CHODL: variants seen among roughly 807,000 people sequenced by gnomAD.
The protein encoded by CHODL is transmembrane protein MT75.
Under a neutral mutation model 34.5 loss-of-function variants are expected in CHODL, and 29 were observed. The ratio of observed to expected loss-of-function variants is 0.84; its 90% CI spans 0.63 to 1.15. The LOEUF (loss-of-function observed/expected upper bound fraction) is 1.15. Ranked by LOEUF, CHODL falls within the 50% of genes most tolerant of loss-of-function variation. The pLI is 0.00. For synonymous variants in CHODL, 125 were observed against 116.1 expected (o/e 1.08, Z -0.49); for missense variants, 332 against 332.5 (o/e 1.00, Z 0.01).
rs138576111 is a variant in CHODL at position 17,928,001 on chromosome 21, A to G, written c.-145+10601A>G. Among the ~76,000 whole-genome samples the G allele has an allele frequency of 3.7e-3, 564 of 152,346 alleles. 3 individuals carry two copies. Among genetic ancestry groups the G allele is most frequent in the African/African-American group, 0.013 (533 of 41,580 alleles). On this transcript the variant is annotated intron_variant, in intron 1 of 6. Transcript: ENST00000400127. ...GGTACAGGTATATTCAGCTGGAAGCATTTGATGATTCTTTGTTCCATTATA... is the reference window on the plus strand; with the variant it reads ...GGTACAGGTATATTCAGCTGGAAGCGTTTGATGATTCTTTGTTCCATTATA...
intron 2 of CHODL, among the ~76,000 whole-genome samples, chr21:18,140,465 T>C (rs2072787546): frequency 6.6e-6 from 1 of 152,182 alleles, no homozygotes; most frequent in South Asian, 2.1e-4. Context: ...TCCTTTTAAC[T>C]ATATCTCATA....
intron 1 of CHODL, among the ~76,000 whole-genome samples, chr21:17,941,714 T>A (rs1370962352): frequency 6.6e-6 from 1 of 152,254 alleles, no homozygotes; most frequent in Non-Finnish European, 1.5e-5. Context: ...CATACCTGTC[T>A]TAGTTCGCTC....
intron 2 of CHODL, among the ~76,000 whole-genome samples, chr21:18,143,190 A>G (rs2072823355): frequency 6.6e-6 from 1 of 152,198 alleles, no homozygotes; most frequent in Admixed American, 6.5e-5. Context: ...ACGAAGTGCT[A>G]GGAGCATATT....
At chr21:18,232,952 T>C (rs1018632190) in intron 2 of CHODL, among the ~76,000 whole-genome samples, 2 of 139,672 alleles carry the variant, frequency 1.4e-5, no homozygotes, top group Non-Finnish European at 3.0e-5. Context: ...GATATATATA[T>C]ATATATATAT....
chr21:18,054,203 C>T (rs188344434), intron 2 of CHODL, among the ~76,000 whole-genome samples: 1 of 151,874 alleles, frequency 6.6e-6, no homozygotes, highest in Non-Finnish European at 1.5e-5. Flanking sequence ...TATACATATA[C>T]AGAGAGAGAG....
intron 1 of CHODL, among the ~76,000 whole-genome samples, chr21:17,997,330 C>T (rs1214398817): frequency 1.3e-5 from 2 of 152,212 alleles, no homozygotes; most frequent in East Asian, 3.8e-4. Flanking sequence ...TTGGCTTCTG[C>T]CTTTTCTCTG....
At position 18,266,376 on chromosome 21, in the gene CHODL, T is replaced by TAAG. The variant is rs2074462556; in HGVS notation, c.*339_*341dup. 2 of 497,730 alleles carry TAAG rather than the reference T, an allele frequency of 4.0e-6. No homozygotes were observed. The highest frequency in any genetic ancestry group is 3.5e-6 in the Non-Finnish European group (1 of 286,848). 30.8% of individuals were successfully genotyped at this position (497,730 alleles called of 1,614,324 possible). A position where few individuals can be genotyped will look rare whatever the true frequency, so the allele number is the denominator to read the frequency against. ...TTCCTTTTATTTCTTTCACCTTTCA[T>TAAG]AAGTTGTTATCTAGTCAATGTAATG... On this transcript the variant is annotated 3_prime_UTR_variant, in exon 6 of 6. Coordinates refer to ENST00000299295, the MANE Select transcript of CHODL (RefSeq NM_024944.3).
intron 2 of CHODL, among the ~76,000 whole-genome samples, chr21:18,190,044 A>G (rs1261690399): frequency 6.6e-5 from 10 of 152,218 alleles, no homozygotes; most frequent in Admixed American, 6.5e-4. Flanking sequence ...TGTCAAAAAC[A>G]TTGCAAAATA....
chr21:18,245,163 T>C lies in CHODL; in HGVS notation c.-61T>C, dbSNP rs951668638. On this transcript the variant is annotated 5_prime_UTR_variant, in exon 1 of 6. Transcript: ENST00000299295. Reference sequence around the variant, plus strand: ...AGGCTGCAGAGTCAGAGTCGCGGGCTGCGCCCTGGGCAGAGGCCGCCCTCG... The same window carrying C: ...AGGCTGCAGAGTCAGAGTCGCGGGCCGCGCCCTGGGCAGAGGCCGCCCTCG... 16 of 925,502 alleles carry C rather than the reference T, an allele frequency of 1.7e-5. No homozygotes were observed. The highest frequency in any genetic ancestry group is 2.4e-5 in the Non-Finnish European group (16 of 675,682). The allele number at this position is 925,502 out of a possible 1,614,324, so 57.3% of individuals were successfully genotyped here.
In CHODL at chr21:18,184,720, A is replaced by C. The variant is rs554585314; in HGVS notation, c.-44-71789A>C. 1.8e-4 allele frequency among the ~76,000 whole-genome samples: 28 copies of C among 152,288 alleles called. 2 individuals carry two copies. In the South Asian group the frequency reaches 4.1e-3, roughly 23 times the overall value. Reference sequence around the variant, plus strand: ...TGAAGGAATTTTTGGTTTTTAGTACATCAGGGGCAGAGGTGGGCCAACCTT... The same window carrying C: ...TGAAGGAATTTTTGGTTTTTAGTACCTCAGGGGCAGAGGTGGGCCAACCTT... On this transcript the variant is annotated intron_variant, in intron 2 of 6. Transcript: ENST00000400127.
intron 2 of CHODL, among the ~76,000 whole-genome samples, chr21:18,035,156 G>A (rs912851397): frequency 5.9e-5 from 9 of 151,836 alleles, no homozygotes; most frequent in Non-Finnish European, 8.8e-5. Context: ...TGTGTTCTTC[G>A]TTTCCTTGTG....
At chr21:18,111,651 G>A (rs1251473099) in intron 2 of CHODL, among the ~76,000 whole-genome samples, 1 of 152,042 alleles carries the variant, frequency 6.6e-6, no homozygotes, top group Admixed American at 6.5e-5. Flanking sequence ...TTTGCTTTTA[G>A]GTAGTATGTT....
chr21:18,211,168 A>ACACACT (rs756032552), intron 2 of CHODL, among the ~76,000 whole-genome samples: 5 of 133,864 alleles, frequency 3.7e-5, no homozygotes, highest in Middle Eastern at 3.8e-3. Context: ...ACACACACAC[A>ACACACT]CTCACACTCA....
intron 2 of CHODL, among the ~76,000 whole-genome samples, chr21:18,197,791 A>G (rs933795437): frequency 6.6e-6 from 1 of 152,246 alleles, no homozygotes; most frequent in African/African-American, 2.4e-5. Flanking sequence ...GAAATGATAT[A>G]CAGGCAAAAG....
intron 1 of CHODL, among the ~76,000 whole-genome samples, chr21:18,008,235 A>T (rs917215649): frequency 1.3e-5 from 2 of 152,070 alleles, no homozygotes; most frequent in Non-Finnish European, 2.9e-5. Context: ...ATGTATTTGT[A>T]TGTATGCGTA....
intron 1 of CHODL, among the ~76,000 whole-genome samples, chr21:18,247,538 T>G (rs2406173): frequency 0.031 from 4,698 of 152,108 alleles, 240 homozygotes; most frequent in African/African-American, 0.11. Flanking sequence ...AAAAATAAAG[T>G]GGATATATTT....
rs374050233 is a variant in CHODL, at chr21:18,207,054, G to A, written c.-44-49455G>A. Among the ~76,000 whole-genome samples, 38 of 152,000 alleles carry A rather than the reference G, an allele frequency of 2.5e-4. No homozygotes were observed. In the East Asian group the frequency reaches 3.1e-3, roughly 12 times the overall value. On this transcript the variant is annotated intron_variant, in intron 2 of 6. Transcript: ENST00000400127. The stretch of plus-strand genomic sequence containing the variant: ...TCCTCCAGCCCCCAACCCCTGACAG[G>A]CCCTGGTGTGTGATGTTCCCCGCCC...
chr21:17,972,897 C>T (rs1252197648), intron 1 of CHODL, among the ~76,000 whole-genome samples: 1 of 152,108 alleles, frequency 6.6e-6, no homozygotes, highest in Non-Finnish European at 1.5e-5. Flanking sequence ...AACTATACTA[C>T]AATGTGACAG....
chr21:17,956,412 G>C (rs2063494506), intron 1 of CHODL, among the ~76,000 whole-genome samples: 1 of 136,372 alleles, frequency 7.3e-6, no homozygotes, highest in Admixed American at 7.2e-5. Flanking sequence ...CCAGAACTGT[G>C]AGCTAATTAA....
Sources: allele counts gnomAD v4.1 joint callset (sites outside exome capture counted in the v4.1 genomes callset), GRCh38; gene constraint gnomAD v4.1.1; transcripts MANE v1.5; gene names NCBI Gene and HGNC (gene_info 2026-07-23, HGNC 2026-07-21).